Variants in ABCA3 observed in about 807,000 individuals in gnomAD.
The protein encoded by ABCA3 is phospholipid-transporting ATPase ABCA3.
In ABCA3, 88 loss-of-function variants were observed where a neutral mutation model predicts 172.8. That is an observed-to-expected ratio of 0.51 (90% CI 0.43 to 0.61). ABCA3 has a LOEUF of 0.61. Ranked by LOEUF, ABCA3 falls within the 20% of genes least tolerant of loss-of-function variation. The probability of loss-of-function intolerance (pLI) is 0.00; values close to 1 mark genes in which losing one functional copy is unlikely to be tolerated. For synonymous variants in ABCA3, 1,066 were observed against 983.8 expected (o/e 1.08, Z -1.56); for missense variants, 2,164 against 2,301.0 (o/e 0.94, Z 1.22).
intron 12 of ABCA3, among the ~76,000 whole-genome samples, chr16:2,301,600 C>T (rs184171758): frequency 1.2e-4 from 18 of 151,916 alleles, no homozygotes; most frequent in African/African-American, 4.1e-4. Flanking sequence ...ATCCCAGCTA[C>T]TCAGGAGGCT....
Position 2,278,072 on chromosome 16 carries a change from G to A in ABCA3, c.4719-3C>T, listed in dbSNP as rs1288155856. On this transcript the variant is annotated splice_region_variant and splice_polypyrimidine_tract_variant and intron_variant, in intron 30 of 32. Transcript: ENST00000301732. The surrounding 1 kb of genome is among the most constrained non-coding windows in gnomAD (Gnocchi z 4.4). ...ACAGGGCCTCACACTCCTCCATGCT[G>A]TGGAGAGGGCGGGACCTCAGATAGG... 1 of 1,613,282 alleles carries A rather than the reference G, an allele frequency of 6.2e-7. No individual in the cohort carries two copies. Among genetic ancestry groups the A allele is most frequent in the Admixed American group, 1.7e-5 (1 of 59,998 alleles).
chr16:2,278,181 T>A lies in ABCA3; in HGVS notation c.4718+107A>T. ...TCCTGATACCCATGCTCAGTGTGGC[T>A]CACGGGCAGACTCTGCACCAGATGC... On this transcript the variant is annotated intron_variant, in intron 30 of 32. Coordinates refer to ENST00000301732, the MANE Select transcript of ABCA3 (RefSeq NM_001089.3). The surrounding 1 kb of genome is among the most constrained non-coding windows in gnomAD (Gnocchi z 4.4). The A allele has an allele frequency of 6.3e-7, 1 of 1,595,512 alleles. No homozygotes were observed. The highest frequency in any genetic ancestry group is 1.7e-5 in the Admixed American group (1 of 59,834).
rs1276170717 is a variant in ABCA3, at chr16:2,289,627, C to T, written c.2514-7G>A. The T allele has an allele frequency of 1.9e-6, 3 of 1,548,356 alleles. No homozygotes were observed. The highest frequency in any genetic ancestry group is 2.0e-5 in the Admixed American group (1 of 51,050). ...GTCCACCAGCTTCCCGACCCTGTGC[C>T]GATACACACAGGGACCGGTCAGGAC... is the stretch of plus-strand genomic sequence containing the variant. On this transcript the variant is annotated splice_region_variant and splice_polypyrimidine_tract_variant and intron_variant, in intron 19 of 32. Coordinates refer to ENST00000301732, the MANE Select transcript of ABCA3 (RefSeq NM_001089.3).
At chr16:2,326,603 G>T in intron 3 of ABCA3, 111 bp from the exon 4 acceptor site, 1 of 1,221,976 alleles carries the variant, frequency 8.2e-7, no homozygotes, top group Non-Finnish European at 1.2e-6. Context: ...ACCTTCTTTT[G>T]TGCCACTTTA....
At chr16:2,335,314 G>T (rs2093750056) in intron 1 of ABCA3, among the ~76,000 whole-genome samples, 1 of 152,030 alleles carries the variant, frequency 6.6e-6, no homozygotes, top group Non-Finnish European at 1.5e-5. Flanking sequence ...TTGTTTGTTT[G>T]TTTGTTTGTT....
chr16:2,325,612 G>T (rs1335545198), intron 5 of ABCA3, among the ~76,000 whole-genome samples: 1 of 152,132 alleles, frequency 6.6e-6, no homozygotes, highest in Non-Finnish European at 1.5e-5. Flanking sequence ...CTTTCCTTAT[G>T]TATCTTATTG....
chr16:2,295,010 AAAAT>A (rs1249416605), intron 18 of ABCA3, among the ~76,000 whole-genome samples: 15 of 152,162 alleles, frequency 9.9e-5, no homozygotes, highest in African/African-American at 3.6e-4. Flanking sequence ...AATAACAAAT[AAAAT>A]AAATAAATGT....
chr16:2,304,113 G>A lies in ABCA3; in HGVS notation c.1323C>T (p.Val441=). ...GIQWRDLLSP[V]NVDDDFCFGQ... ...CGAAGCAGAAGTCGTCGTCCACGTT[G>A]ACGGGACTCAGGAGGTCTCGCCACT... Residue 441 remains valine (V), a synonymous_variant, in exon 12 of 33, where the codon GTC becomes GTT. Transcript: ENST00000301732. 1 of 1,614,174 alleles carries A rather than the reference G, an allele frequency of 6.2e-7. No individual in the cohort carries two copies. Among genetic ancestry groups the A allele is most frequent in the Non-Finnish European group, 8.5e-7 (1 of 1,180,044 alleles).
At chr16:2,340,504 G>A (rs1262395850) in intron 1 of ABCA3, 69 bp downstream of exon 1, 6 of 150,168 alleles carry the variant, frequency 4.0e-5, no homozygotes, top group African/African-American at 7.3e-5. Context: ...GGGTGGGAAG[G>A]GCGGACCCGG....
intron 5 of ABCA3, among the ~76,000 whole-genome samples, chr16:2,324,864 T>C (rs879889711): frequency 6.6e-6 from 1 of 152,162 alleles, no homozygotes; most frequent in Non-Finnish European, 1.5e-5. Flanking sequence ...GGGTGGCTTC[T>C]CTTTCTCAAA....
Position 2,328,724 on chromosome 16 carries a change from T to A in ABCA3, c.-298A>T, listed in dbSNP as rs1596868557. 2.9e-6 allele frequency: 1 copy of A among 346,806 alleles called. No individual in the cohort carries two copies. Among genetic ancestry groups the A allele is most frequent in the Non-Finnish European group, 5.8e-6 (1 of 171,672 alleles). The allele number at this position is 346,806 out of a possible 1,614,324, so 21.5% of individuals were successfully genotyped here. A position where few individuals can be genotyped will look rare whatever the true frequency, so the allele number is the denominator to read the frequency against. On this transcript the variant is annotated 5_prime_UTR_variant, in exon 3 of 33. Transcript: ENST00000301732. Reference sequence around the variant, plus strand: ...GCCTCCTTGACTCACAGTGGAAGAGTTTCAGGTTCAGTTGCTCAGCTCCAC... The same window carrying A: ...GCCTCCTTGACTCACAGTGGAAGAGATTCAGGTTCAGTTGCTCAGCTCCAC...
chr16:2,279,231 T>C lies in ABCA3; in HGVS notation c.4360-101A>G, dbSNP rs934563620. 2.2e-6 allele frequency: 3 copies of C among 1,367,224 alleles called. No individual in the cohort carries two copies. The highest frequency in any genetic ancestry group is 2.5e-5 in the East Asian group (1 of 40,616). The allele number at this position is 1,367,224 out of a possible 1,614,324, so 84.7% of individuals were successfully genotyped here. ...CCCTTGAGGTGCCCACCACTGCGCC[T>C]GTCTGTGGTTCCTGCCAGTGTGTGT... On this transcript the variant is annotated intron_variant, in intron 28 of 32. Coordinates refer to ENST00000301732, the MANE Select transcript of ABCA3 (RefSeq NM_001089.3). This position sits in a 1 kb window ranked among gnomAD's most constrained non-coding sequence, Gnocchi z 4.4.
Position 2,295,624 on chromosome 16 carries a change from G to A in ABCA3, c.2380C>T (p.Leu794=). The part of the protein sequence containing the change: ...ATLESSAGAE[L]SFILPRESTH... The stretch of plus-strand genomic sequence containing the variant: ...CTCTCTCTGGGAAGGATGAAAGACA[G>A]CTCGGCCCCAGCGCTGCTCTCCAGC... The change falls in exon 18 of 33, where the codon CTG becomes TTG. Residue 794 remains leucine, a synonymous_variant. Coordinates refer to ENST00000301732, the MANE Select transcript of ABCA3 (RefSeq NM_001089.3). 1.9e-6 allele frequency: 3 copies of A among 1,613,908 alleles called. No individual in the cohort carries two copies. The highest frequency in any genetic ancestry group is 2.5e-6 in the Non-Finnish European group (3 of 1,180,050).
In ABCA3 at chr16:2,279,129, A is replaced by G; in HGVS notation, c.4361T>C (p.Val1454Ala). ...CGGGCAGTAGCCGATCCGCTGCCGC[A>G]CCTGGGGTCGGAGCATAGCCGGGGA... Reference protein sequence around the residue: ...GHRISSDVGKVRQRIGYCPQF... With the variant: ...GHRISSDVGKARQRIGYCPQF... The change falls in exon 29 of 33, where the codon GTG becomes GCG. Residue 1454 changes from valine (V) to alanine (A), a missense_variant and splice_region_variant. Transcript: ENST00000301732. This position sits in a 1 kb window ranked among gnomAD's most constrained non-coding sequence, Gnocchi z 4.4. 6.2e-7 allele frequency: 1 copy of G among 1,611,080 alleles called. No individual in the cohort carries two copies. Among genetic ancestry groups the G allele is most frequent in the South Asian group, 1.1e-5 (1 of 91,016 alleles).
chr16:2,304,237 A>T, intron 11 of ABCA3, 87 bp from the exon 12 acceptor site: 1 of 1,450,466 alleles, frequency 6.9e-7, no homozygotes, highest in Admixed American at 1.7e-5. Context: ...ACGTGTGCAC[A>T]TTTGACCTTG....
At chr16:2,299,830 T>C (rs558147592) in intron 13 of ABCA3, among the ~76,000 whole-genome samples, 175 bp downstream of exon 13, 1 of 152,308 alleles carries the variant, frequency 6.6e-6, no homozygotes, top group African/African-American at 2.4e-5. Context: ...AGATGTGGTC[T>C]GTGCCCTGGG....
chr16:2,293,939 T>C (rs1282093233), intron 18 of ABCA3, among the ~76,000 whole-genome samples: 1 of 151,980 alleles, frequency 6.6e-6, no homozygotes, highest in East Asian at 1.9e-4. Flanking sequence ...GTGTTGGGAT[T>C]ACAGGCATGA....
At chr16:2,306,001 C>T (rs1567346590) in intron 11 of ABCA3, among the ~76,000 whole-genome samples, 1 of 152,176 alleles carries the variant, frequency 6.6e-6, no homozygotes, top group South Asian at 2.1e-4. Flanking sequence ...GGAAATAATG[C>T]TCTCCAGCCT....
In ABCA3 at chr16:2,279,155, G is replaced by A. The variant is rs2093651378; in HGVS notation, c.4360-25C>T. The A allele has an allele frequency of 1.2e-6, 2 of 1,607,532 alleles. No homozygotes were observed. The highest frequency in any genetic ancestry group is 2.2e-5 in the East Asian group (1 of 44,856). On this transcript the variant is annotated intron_variant, in intron 28 of 32. Coordinates refer to ENST00000301732, the MANE Select transcript of ABCA3 (RefSeq NM_001089.3). The surrounding 1 kb of genome is among the most constrained non-coding windows in gnomAD (Gnocchi z 4.4). ...CCTGGGGTCGGAGCATAGCCGGGGAGGGAGGCGGGTTGGAGGGAAGCCTCC... is the reference window on the plus strand; with the variant it reads ...CCTGGGGTCGGAGCATAGCCGGGGAAGGAGGCGGGTTGGAGGGAAGCCTCC...
Sources: gnomAD v4.1 joint callset for allele counts (sites outside exome capture counted in the v4.1 genomes callset) on GRCh38, gnomAD v4.1.1 for gene constraint, Gnocchi (gnomAD v3.1) non-coding constraint, MANE v1.5 for transcripts, NCBI Gene and HGNC (gene_info 2026-07-23, HGNC 2026-07-21) for gene names.